The following EMSY variants were observed in gnomAD, a reference collection of about 807,000 sequenced individuals.
The protein encoded by EMSY is EMSY transcriptional repressor, BRCA2 interacting, also known as BRCA2-interacting transcriptional repressor EMSY.
A neutral mutation model predicts 134.6 loss-of-function variants in EMSY; 26 were observed. The observed-to-expected ratio is 0.19, with a 90% CI of 0.14 to 0.27. The LOEUF (loss-of-function observed/expected upper bound fraction) is 0.27, where lower values mean the gene tolerates loss of function less well. Among genes scored for constraint, EMSY ranks in the 10% least tolerant of loss-of-function variants. The pLI, the probability that EMSY is intolerant of heterozygous loss-of-function variation, is 1.00. For synonymous variants in EMSY, 579 were observed against 577.8 expected (o/e 1.00, Z -0.03); for missense variants, 1,305 against 1,611.4 (o/e 0.81, Z 3.26).
chr11:76,447,983 G>C (rs991937520), intron 2 of EMSY, among the ~76,000 whole-genome samples: 1 of 152,214 alleles, frequency 6.6e-6, no homozygotes, highest in Non-Finnish European at 1.5e-5. Context: ...AATTTAGACA[G>C]ACCTGGGGTC....
intron 9 of EMSY, among the ~76,000 whole-genome samples, chr11:76,507,567 C>A (rs781704939): frequency 6.6e-6 from 1 of 152,194 alleles, no homozygotes; most frequent in Admixed American, 6.5e-5. Context: ...AAACCACATT[C>A]GTTGTTCATC....
rs572214042 is a variant in EMSY at position 76,497,626 on chromosome 11, G to T, written c.1363+1157G>T. On this transcript the variant is annotated intron_variant, in intron 9 of 20. Coordinates refer to ENST00000334736, the Ensembl canonical transcript of EMSY. The stretch of plus-strand genomic sequence containing the variant: ...ATTTCTTCTAAGTTGTCAAATTTTT[G>T]AGTGTAAATTTGCTTGTAGTAGTTC... Among the ~76,000 whole-genome samples, 35 of 152,142 alleles carry T rather than the reference G, an allele frequency of 2.3e-4. No homozygotes were observed. The East Asian group carries it at 4.2e-3, about 18-fold the overall frequency.
At chr11:76,446,922 A>G (rs772102626) in exon 2 of EMSY, 2 of 1,610,500 alleles carry the variant, frequency 1.2e-6, no homozygotes, top group South Asian at 1.1e-5. Context: ...CTTTGGGGCT[A>G]CCAAACAGAA....
chr11:76,532,659 G>T (rs1236999668), intron 14 of EMSY, among the ~76,000 whole-genome samples: 1 of 152,034 alleles, frequency 6.6e-6, no homozygotes, highest in African/African-American at 2.4e-5. Context: ...GTTTCCAAAA[G>T]GTTTTAAGGT....
chr11:76,549,984 C>T (rs140095466), exon 21 of EMSY: 61 of 1,613,332 alleles, frequency 3.8e-5, no homozygotes, highest in Non-Finnish European at 4.9e-5. Context: ...CTTGTCACTC[C>T]AGCTCCAATG....
intron 19 of EMSY, 55 bp downstream of exon 20, chr11:76,544,877 A>G: frequency 6.4e-7 from 1 of 1,559,214 alleles, no homozygotes; most frequent in East Asian, 2.3e-5. Context: ...CGGAAAAAAA[A>G]ATGAGAACAT....
In EMSY at chr11:76,547,443, A is replaced by AT. The variant is rs942484740; in HGVS notation, c.3774+1153dup. Among the ~76,000 whole-genome samples, 13 of 152,326 alleles carry AT rather than the reference A, an allele frequency of 8.5e-5. No homozygotes were observed. In the East Asian group the frequency reaches 1.7e-3, roughly 20 times the overall value. On this transcript the variant is annotated intron_variant, in intron 20 of 20. Coordinates refer to ENST00000334736, the Ensembl canonical transcript of EMSY. ...ATATTTCCTGACAAAAGGATTTGTG[A>AT]TTTTTTTGTATTTTCCCCTGAAGAG...
At chr11:76,508,455 A>G (rs1950160580) in intron 9 of EMSY, among the ~76,000 whole-genome samples, 1 of 152,040 alleles carries the variant, frequency 6.6e-6, no homozygotes, top group Admixed American at 6.6e-5. Flanking sequence ...TTTATAGAGC[A>G]CAGGCAGAGT....
intron 11 of EMSY, among the ~76,000 whole-genome samples, chr11:76,520,131 A>G (rs1470532303): frequency 6.6e-6 from 1 of 152,134 alleles, no homozygotes; most frequent in Non-Finnish European, 1.5e-5. Context: ...CTAGAATTTC[A>G]GAAATTTATA....
Position 76,545,683 on chromosome 11 carries a change from C to T in EMSY, c.3274-114C>T, listed in dbSNP as rs1022800643. The stretch of plus-strand genomic sequence containing the variant: ...CTTTTTAAAACAGCAAGCTTCAAAA[C>T]TGTCTTCCTAGTATAGCGCACGAAT... On this transcript the variant is annotated intron_variant, in intron 19 of 20. Transcript: ENST00000334736. 1.4e-5 allele frequency: 18 copies of T among 1,278,472 alleles called. No homozygotes were observed. The African/African-American group carries it at 2.7e-4, about 19-fold the overall frequency. 79.2% of individuals were successfully genotyped at this position (1,278,472 alleles called of 1,614,324 possible). A position where few individuals can be genotyped will look rare whatever the true frequency, so the allele number is the denominator to read the frequency against.
chr11:76,494,704 TTCCTTCCTTCCTTCCTTCCTTCC>T (rs1949571296), intron 8 of EMSY, among the ~76,000 whole-genome samples: 3 of 105,976 alleles, frequency 2.8e-5, no homozygotes, highest in Non-Finnish European at 6.2e-5. Flanking sequence ...CCTTCCTTCC[TTCCTTCCTTCCTTCCTTCCTTCC>T]TTCCTTCCTT....
At chr11:76,490,959 AT>A (rs1949396647) in intron 8 of EMSY, among the ~76,000 whole-genome samples, 1 of 152,120 alleles carries the variant, frequency 6.6e-6, no homozygotes, top group South Asian at 2.1e-4. Flanking sequence ...CAAACATTGC[AT>A]GTTAACTTGT....
chr11:76,546,077 G>A (rs1951637049), exon 20 of EMSY: 1 of 1,614,022 alleles, frequency 6.2e-7, no homozygotes, highest in South Asian at 1.1e-5. Flanking sequence ...GGTGAAGCAG[G>A]ATCATTACCC....
At chr11:76,521,715 A>T (rs1176062491) in intron 11 of EMSY, among the ~76,000 whole-genome samples, 1 of 151,284 alleles carries the variant, frequency 6.6e-6, no homozygotes, top group Non-Finnish European at 1.5e-5. Context: ...AGTAGATATG[A>T]TCATGCCTCT....
chr11:76,449,855 G>A (rs1293783717), intron 2 of EMSY, among the ~76,000 whole-genome samples: 1 of 152,050 alleles, frequency 6.6e-6, no homozygotes, highest in East Asian at 1.9e-4. Context: ...ATTTTATTTT[G>A]TTCCTAGAAA....
chr11:76,526,405 G>A (rs1950847892), intron 12 of EMSY, 57 bp from the exon 14 acceptor site: 13 of 1,304,200 alleles, frequency 1.0e-5, no homozygotes, highest in African/African-American at 1.5e-5. Flanking sequence ...TTCAGTGAGA[G>A]GACTTTATCA....
intron 8 of EMSY, among the ~76,000 whole-genome samples, chr11:76,485,490 T>C (rs112879478): frequency 3.9e-4 from 60 of 152,274 alleles, no homozygotes; most frequent in Non-Finnish European, 7.8e-4. Flanking sequence ...TTGACAAAAT[T>C]CAACACCCCT....
At chr11:76,472,898 A>G in intron 8 of EMSY, 58 bp downstream of exon 9, 1 of 1,569,000 alleles carries the variant, frequency 6.4e-7, no homozygotes, top group East Asian at 2.3e-5. Flanking sequence ...TTTTGAAGAA[A>G]ACTTGGTGGG....
intron 9 of EMSY, among the ~76,000 whole-genome samples, chr11:76,508,963 T>C (rs1950176646): frequency 6.6e-6 from 1 of 152,072 alleles, no homozygotes; most frequent in Non-Finnish European, 1.5e-5. Context: ...GATGGGAGAA[T>C]GTCCAGTTCG....
Sources: gnomAD v4.1 joint callset for allele counts (sites outside exome capture counted in the v4.1 genomes callset) on GRCh38, gnomAD v4.1.1 for gene constraint, MANE v1.5 for transcripts, NCBI Gene and HGNC (gene_info 2026-07-23, HGNC 2026-07-21) for gene names.